Variants in PDE1A observed in about 807,000 individuals in gnomAD.
PDE1A encodes phosphodiesterase 1A, also known as dual specificity calcium/calmodulin-dependent 3',5'-cyclic nucleotide phosphodiesterase 1A.
Under a neutral mutation model 61.7 loss-of-function variants are expected in PDE1A, and 35 were observed. The ratio of observed to expected loss-of-function variants is 0.57; its 90% CI spans 0.43 to 0.75. The LOEUF (loss-of-function observed/expected upper bound fraction) is 0.75. PDE1A is among the 30% of genes least tolerant of loss of function. The probability of loss-of-function intolerance (pLI) is 0.00; values close to 1 mark genes in which losing one functional copy is unlikely to be tolerated. For synonymous variants in PDE1A, 232 were observed against 213.2 expected, an observed-to-expected ratio of 1.09 and a Z score of -0.77; for missense variants, 597 against 630.6, an observed-to-expected ratio of 0.95 and a Z score of 0.57.
intron 1 of PDE1A, among the ~76,000 whole-genome samples, chr2:182,337,168 T>C (rs1308423548): frequency 6.6e-6 from 1 of 152,138 alleles, no homozygotes; most frequent in Non-Finnish European, 1.5e-5. Context: ...GCCTTATATG[T>C]ACAGTGTGAA....
chr2:182,387,354 C>T lies in PDE1A; in HGVS notation c.53+39224G>A, dbSNP rs568170200. Among the ~76,000 whole-genome samples, 406 of 151,868 alleles carry T rather than the reference C, an allele frequency of 2.7e-3. 1 individual carries two copies. The highest frequency in any genetic ancestry group is 4.9e-3 in the Non-Finnish European group (335 of 67,938). The stretch of plus-strand genomic sequence containing the variant: ...CTTGTTTATCTGCTGACCTTCCCTC[C>T]ACTATTGTCCTATGACCCTGCCAAA... On this transcript the variant is annotated intron_variant, in intron 1 of 13. Coordinates refer to ENST00000351439, the Ensembl canonical transcript of PDE1A.
the PDE1A span, among the ~76,000 whole-genome samples, chr2:182,631,503 C>G: frequency 6.6e-6 from 1 of 152,282 alleles, no homozygotes. Flanking sequence ...TTCACCAATT[C>G]AAATGCTAAT....
At chr2:182,698,769 T>C in the PDE1A span, among the ~76,000 whole-genome samples, 1 of 152,144 alleles carries the variant, frequency 6.6e-6, no homozygotes, top group African/African-American at 2.4e-5. Context: ...CCCAGAGACA[T>C]TTGCATGTAG....
Position 182,401,183 on chromosome 2 carries a change from A to T in PDE1A, c.53+25395T>A, listed in dbSNP as rs543028097. 2.1e-4 allele frequency among the ~76,000 whole-genome samples: 32 copies of T among 152,350 alleles called. 1 individual carries two copies. Among genetic ancestry groups the T allele is most frequent in the Admixed American group, 5.2e-4 (8 of 15,298 alleles). ...CTCTAACTCATTTTATGATGCCAGC[A>T]TCATCCTGATACCAAAACCCAGGAG... On this transcript the variant is annotated intron_variant, in intron 1 of 13. Coordinates refer to ENST00000351439, the Ensembl canonical transcript of PDE1A.
chr2:182,344,068 C>T (rs1698367079), intron 1 of PDE1A, among the ~76,000 whole-genome samples: 1 of 151,884 alleles, frequency 6.6e-6, no homozygotes, highest in Non-Finnish European at 1.5e-5. Context: ...TTCAAAGTCT[C>T]ATTATGTTGC....
At chr2:182,273,029 G>A (rs536109241) in intron 1 of PDE1A, among the ~76,000 whole-genome samples, 3 of 152,160 alleles carry the variant, frequency 2.0e-5, no homozygotes, top group African/African-American at 7.2e-5. Context: ...TATTATCATT[G>A]TGGATGTCCA....
intron 2 of PDE1A, among the ~76,000 whole-genome samples, chr2:182,437,851 G>A (rs1469364355): frequency 6.6e-6 from 1 of 151,758 alleles, no homozygotes; most frequent in African/African-American, 2.4e-5. Flanking sequence ...CCAGTGATAA[G>A]CATCAAGTGT....
the PDE1A span, among the ~76,000 whole-genome samples, chr2:182,598,675 G>A: frequency 2.0e-5 from 3 of 152,184 alleles, no homozygotes; most frequent in East Asian, 5.8e-4. Context: ...TTCGAGTGTG[G>A]GGGCAGGGCA....
At chr2:182,461,066 G>A (rs757152787) in intron 2 of PDE1A, among the ~76,000 whole-genome samples, 1 of 152,170 alleles carries the variant, frequency 6.6e-6, no homozygotes, top group Non-Finnish European at 1.5e-5. Context: ...TGAGTGGTCA[G>A]AAGGTGACCT....
chr2:182,283,750 C>T (rs1267663112), intron 1 of PDE1A, among the ~76,000 whole-genome samples: 2 of 152,040 alleles, frequency 1.3e-5, no homozygotes, highest in Non-Finnish European at 2.9e-5. Context: ...ATCACTACAA[C>T]TTGACACATT....
the PDE1A span, among the ~76,000 whole-genome samples, chr2:182,709,377 C>T: frequency 6.6e-6 from 1 of 152,250 alleles, no homozygotes; most frequent in East Asian, 1.9e-4. Context: ...CTTTTTTGTA[C>T]ATAATAAACA....
At chr2:182,556,765 A>G in the PDE1A span, among the ~76,000 whole-genome samples, 1 of 152,352 alleles carries the variant, frequency 6.6e-6, no homozygotes, top group Admixed American at 6.5e-5. Flanking sequence ...AAATATTTTC[A>G]TGCCATCTTC....
the PDE1A span, among the ~76,000 whole-genome samples, chr2:182,619,243 A>T: frequency 6.6e-6 from 1 of 152,208 alleles, no homozygotes. Context: ...TTACTTGGTC[A>T]AATAGAAAAT....
the PDE1A span, among the ~76,000 whole-genome samples, chr2:182,620,067 G>A: frequency 2.2e-3 from 331 of 152,230 alleles, no homozygotes; most frequent in Non-Finnish European, 2.8e-3. Context: ...ATGAGTTTTG[G>A]AGGGGATGAA....
chr2:182,147,019 C>A (rs1690531426), downstream of PDE1A: 8 of 1,089,230 alleles, frequency 7.3e-6, no homozygotes, highest in South Asian at 7.0e-5. Flanking sequence ...AGTTTCTGGT[C>A]TATAAAATAA....
chr2:182,167,476 T>C (rs1049646469), downstream of PDE1A, among the ~76,000 whole-genome samples: 2 of 152,166 alleles, frequency 1.3e-5, no homozygotes, highest in African/African-American at 4.8e-5. Context: ...GTACATTACA[T>C]ATATGTTTAC....
the PDE1A span, among the ~76,000 whole-genome samples, chr2:182,538,865 A>G: frequency 6.6e-6 from 1 of 152,228 alleles, no homozygotes; most frequent in Non-Finnish European, 1.5e-5. Flanking sequence ...AATTAAGCCT[A>G]CAGTAGTAAT....
intron 2 of PDE1A, among the ~76,000 whole-genome samples, chr2:182,244,918 T>A (rs1690836667): frequency 6.6e-6 from 1 of 152,168 alleles, no homozygotes; most frequent in South Asian, 2.1e-4. Context: ...ACAGAAATAG[T>A]AGCTGCAGGT....
At chr2:182,688,945 T>C in the PDE1A span, among the ~76,000 whole-genome samples, 7 of 152,274 alleles carry the variant, frequency 4.6e-5, no homozygotes, top group East Asian at 1.4e-3. Context: ...CATTACATAA[T>C]GATAAAGGGA....
Sources: allele counts gnomAD v4.1 joint callset (sites outside exome capture counted in the v4.1 genomes callset), GRCh38; gene constraint gnomAD v4.1.1; transcripts MANE v1.5; gene names NCBI Gene and HGNC (gene_info 2026-07-23, HGNC 2026-07-21).